Variants in TRIM23 observed in about 807,000 individuals in gnomAD.
TRIM23 encodes the protein tripartite motif containing 23.
A neutral mutation model predicts 71.0 loss-of-function variants in TRIM23; 27 were observed. That is an observed-to-expected ratio of 0.38 (90% CI 0.28 to 0.52). The LOEUF (loss-of-function observed/expected upper bound fraction) is 0.52, where lower values mean the gene tolerates loss of function less well. Among genes scored for constraint, TRIM23 ranks in the 20% least tolerant of loss-of-function variants. TRIM23 has a pLI of 0.84. For synonymous variants in TRIM23, 234 were observed against 238.0 expected, an observed-to-expected ratio of 0.98 and a Z score of 0.16; for missense variants, 482 against 692.3, an observed-to-expected ratio of 0.70 and a Z score of 3.41.
At chr5:65,608,841 C>A (rs1754571470) in intron 6 of TRIM23, among the ~76,000 whole-genome samples, 1 of 150,274 alleles carries the variant, frequency 6.7e-6, no homozygotes. Context: ...AAAAAAAGAC[C>A]AACAAATAGA....
rs138220455 is a variant in TRIM23, at chr5:65,618,934, C to A, written c.82-679G>T. 9.4e-3 allele frequency among the ~76,000 whole-genome samples: 1,435 copies of A among 152,238 alleles called. 24 individuals carry two copies. Among genetic ancestry groups the A allele is most frequent in the African/African-American group, 0.033 (1,368 of 41,532 alleles). Reference sequence around the variant, plus strand: ...CTACACAGTCAGTCAAAAGAAAGGCCATTTATCAGCATATTCTGATTCTCA... The same window carrying A: ...CTACACAGTCAGTCAAAAGAAAGGCAATTTATCAGCATATTCTGATTCTCA... On this transcript the variant is annotated intron_variant, in intron 1 of 10. Transcript: ENST00000231524.
rs1006087044 is a variant in TRIM23 at position 65,610,918 on chromosome 5, G to A, written c.771C>T (p.His257=). 1 of 1,613,650 alleles carries A rather than the reference G, an allele frequency of 6.2e-7. No individual in the cohort carries two copies. Among genetic ancestry groups the A allele is most frequent in the Non-Finnish European group, 8.5e-7 (1 of 1,179,846 alleles). Residue 257 remains histidine, a synonymous_variant, in exon 5 of 11, where the codon CAC becomes CAT. Transcript: ENST00000231524. ...YSRKLVGIVQ[H]IEGGEQIVED... is the part of the protein sequence containing the mutation. ...CCACGATTTGTTCTCCTCCTTCAAT[G>A]TGCTGCACAATTCCAACTAATTTTC...
chr5:65,591,699 A>C lies in TRIM23; in HGVS notation c.*70T>G. 7.0e-7 allele frequency: 1 copy of C among 1,432,126 alleles called. No homozygotes were observed. Among genetic ancestry groups the C allele is most frequent in the Non-Finnish European group, 9.3e-7 (1 of 1,078,480 alleles). 88.7% of individuals were successfully genotyped at this position (1,432,126 alleles called of 1,614,324 possible). A position where few individuals can be genotyped will look rare whatever the true frequency, so the allele number is the denominator to read the frequency against. ...AAATTACCATCTTTTGAGATGTATA[A>C]TTTCTTAAAACATACTATGTGCAAA... On this transcript the variant is annotated 3_prime_UTR_variant, in exon 11 of 11. Coordinates refer to ENST00000231524, the MANE Select transcript of TRIM23 (RefSeq NM_001656.4).
intron 2 of TRIM23, among the ~76,000 whole-genome samples, chr5:65,616,173 A>G (rs1054163935): frequency 2.0e-5 from 3 of 152,216 alleles, no homozygotes; most frequent in Admixed American, 1.3e-4. Context: ...TGGTATTAAT[A>G]ACTACTCATA....
chr5:65,618,125 CG>C lies in TRIM23; in HGVS notation c.211del (p.Arg71ValfsTer8), dbSNP rs770458876. On this transcript the variant is annotated frameshift_variant, in exon 2 of 11. Coordinates refer to ENST00000231524, the MANE Select transcript of TRIM23 (RefSeq NM_001656.4). LOFTEE classifies it high-confidence loss of function. ...TGTTACTTGTCGATCAAATGGGCAA[CG>C]GATTGCTCTTCCATGAAGAGGTAGG... is the stretch of plus-strand genomic sequence containing the variant. ...TRLPLHGRAI[R>X]CPFDRQVTDL... 1 of 1,613,026 alleles carries C rather than the reference CG, an allele frequency of 6.2e-7. No individual in the cohort carries two copies. The highest frequency in any genetic ancestry group is 1.1e-5 in the South Asian group (1 of 90,902).
chr5:65,594,413 A>G (rs900048051), intron 10 of TRIM23, 108 bp downstream of exon 10: 1 of 1,348,980 alleles, frequency 7.4e-7, no homozygotes, highest in African/African-American at 1.5e-5. Context: ...AATACACAGA[A>G]GAAACTATAA....
At chr5:65,610,148 T>TA (rs1204070235) in intron 5 of TRIM23, among the ~76,000 whole-genome samples, 4 of 152,366 alleles carry the variant, frequency 2.6e-5, no homozygotes, top group African/African-American at 9.6e-5. Context: ...CCTAGTGTAT[T>TA]ATAGGCCATA....
chr5:65,618,064 T>C, intron 2 of TRIM23, 29 bp downstream of exon 2: 1 of 1,561,922 alleles, frequency 6.4e-7, no homozygotes, highest in Non-Finnish European at 8.7e-7. Flanking sequence ...CAATTTTCAA[T>C]CTTAAATCCA....
intron 5 of TRIM23, among the ~76,000 whole-genome samples, chr5:65,610,441 T>G (rs1272798055): frequency 6.6e-6 from 1 of 152,234 alleles, no homozygotes; most frequent in Non-Finnish European, 1.5e-5. Context: ...AAGCTCTAAC[T>G]ACAGTGAGCT....
In TRIM23 at chr5:65,590,500, A is replaced by G; in HGVS notation, c.*1269T>C. On this transcript the variant is annotated 3_prime_UTR_variant, in exon 11 of 11. Coordinates refer to ENST00000231524, the MANE Select transcript of TRIM23 (RefSeq NM_001656.4). ...GACATCACTGTCCTTACAACAATTCAACTAATAAGATTTAAGATTTAACTT... is the reference window on the plus strand; with the variant it reads ...GACATCACTGTCCTTACAACAATTCGACTAATAAGATTTAAGATTTAACTT... 3 of 1,200,104 alleles carry G rather than the reference A, an allele frequency of 2.5e-6. No individual in the cohort carries two copies. The highest frequency in any genetic ancestry group is 3.1e-6 in the Non-Finnish European group (3 of 957,126). 74.3% of individuals were successfully genotyped at this position (1,200,104 alleles called of 1,614,324 possible). A position where few individuals can be genotyped will look rare whatever the true frequency, so the allele number is the denominator to read the frequency against.
At chr5:65,598,704 C>T (rs530609535) in intron 7 of TRIM23, among the ~76,000 whole-genome samples, 15 of 151,334 alleles carry the variant, frequency 9.9e-5, no homozygotes, top group South Asian at 4.2e-4. Flanking sequence ...GCCGAGATCG[C>T]GCCATTGCAC....
intron 7 of TRIM23, among the ~76,000 whole-genome samples, chr5:65,602,598 T>G (rs1754390600): frequency 6.6e-6 from 1 of 152,092 alleles, no homozygotes; most frequent in African/African-American, 2.4e-5. Context: ...TGGTACCAAT[T>G]TACTGTATTA....
intron 6 of TRIM23, among the ~76,000 whole-genome samples, chr5:65,607,744 A>G (rs986853427): frequency 6.6e-5 from 10 of 152,232 alleles, no homozygotes; most frequent in Admixed American, 4.6e-4. Flanking sequence ...ATAAATATGA[A>G]AATACTTTTA....
intron 10 of TRIM23, among the ~76,000 whole-genome samples, chr5:65,592,642 C>T (rs1310738604): frequency 6.6e-6 from 1 of 152,152 alleles, no homozygotes; most frequent in East Asian, 1.9e-4. Context: ...ACTCTGAACA[C>T]CCATTGCCCC....
intron 10 of TRIM23, among the ~76,000 whole-genome samples, chr5:65,593,855 C>G (rs955778253): frequency 6.6e-6 from 1 of 152,204 alleles, no homozygotes; most frequent in Non-Finnish European, 1.5e-5. Flanking sequence ...TACTGCATCT[C>G]CCTGTCTCCA....
At chr5:65,594,752 A>G in intron 9 of TRIM23, 107 bp from the exon 10 acceptor site, 1 of 1,072,454 alleles carries the variant, frequency 9.3e-7, no homozygotes, top group Non-Finnish European at 1.2e-6. Flanking sequence ...GAGTTTGTCT[A>G]CCATCATTAT....
chr5:65,614,283 A>G, intron 2 of TRIM23, 64 bp from the exon 3 acceptor site: 1 of 1,482,314 alleles, frequency 6.7e-7, no homozygotes, highest in South Asian at 1.2e-5. Context: ...TTTTACCCAT[A>G]CCTCAAAAGT....
At chr5:65,620,807 G>A (rs1170980395) in intron 1 of TRIM23, among the ~76,000 whole-genome samples, 1 of 152,090 alleles carries the variant, frequency 6.6e-6, no homozygotes, top group East Asian at 1.9e-4. Flanking sequence ...CAGGCACTGT[G>A]GCTCACACCT....
rs549944307 is a variant in TRIM23, at chr5:65,596,348, G to A, written c.1420+73C>T. The A allele has an allele frequency of 2.3e-4, 237 of 1,018,308 alleles. 1 individual carries two copies. The South Asian group carries it at 3.2e-3, about 14-fold the overall frequency. 63.1% of individuals were successfully genotyped at this position (1,018,308 alleles called of 1,614,324 possible). A position where few individuals can be genotyped will look rare whatever the true frequency, so the allele number is the denominator to read the frequency against. On this transcript the variant is annotated intron_variant, in intron 9 of 10. Coordinates refer to ENST00000231524, the MANE Select transcript of TRIM23 (RefSeq NM_001656.4). ...CGACTTAATCATAAGTATCAGCTTT[G>A]CTAGTTAAATCAGTACACTGAAAAC...
Sources: gnomAD v4.1 joint callset for allele counts (sites outside exome capture counted in the v4.1 genomes callset) on GRCh38, gnomAD v4.1.1 for gene constraint, MANE v1.5 for transcripts, NCBI Gene and HGNC (gene_info 2026-07-23, HGNC 2026-07-21) for gene names.